PHF14: variants seen among roughly 807,000 people sequenced by gnomAD.
PHF14 encodes the protein PHD finger protein 14.
A neutral mutation model predicts 117.9 loss-of-function variants in PHF14; 55 were observed. The observed-to-expected ratio is 0.47, with a 90% CI of 0.38 to 0.58. The LOEUF (loss-of-function observed/expected upper bound fraction) is 0.58. PHF14 is among the 20% of genes least tolerant of loss of function. The pLI is 0.00. For synonymous variants in PHF14, 409 were observed against 368.6 expected (o/e 1.11, Z -1.26); for missense variants, 978 against 1,122.2 (o/e 0.87, Z 1.84).
chr7:11,131,406 T>A (rs1207239251), intron 17 of PHF14, among the ~76,000 whole-genome samples: 1 of 151,972 alleles, frequency 6.6e-6, no homozygotes, highest in Non-Finnish European at 1.5e-5. Context: ...GGACATGTAG[T>A]GTTGAGCATC....
chr7:11,064,211 C>G (rs1474592922), intron 16 of PHF14, among the ~76,000 whole-genome samples: 3 of 151,730 alleles, frequency 2.0e-5, no homozygotes, highest in Non-Finnish European at 4.4e-5. Flanking sequence ...TATAAAATTT[C>G]ATATGTTTAA....
At chr7:11,115,711 G>A (rs28510200) in intron 17 of PHF14, among the ~76,000 whole-genome samples, 4,305 of 152,060 alleles carry the variant, frequency 0.028, 210 homozygotes, top group African/African-American at 0.099. Context: ...ATGGCAAAAG[G>A]ATTCGGTATA....
chr7:11,043,231 T>C (rs545433649), intron 13 of PHF14, among the ~76,000 whole-genome samples: 15 of 152,210 alleles, frequency 9.9e-5, no homozygotes, highest in African/African-American at 3.6e-4. Flanking sequence ...TTTGTGCTAG[T>C]CATTTAAATT....
rs551171592 is a variant in PHF14, at chr7:11,008,919, C to G, written c.1046-4828C>G. 3.7e-4 allele frequency among the ~76,000 whole-genome samples: 56 copies of G among 151,186 alleles called. 3 individuals are homozygous for G. The highest frequency in any genetic ancestry group is 1.3e-3 in the African/African-American group (55 of 41,100). On this transcript the variant is annotated intron_variant, in intron 4 of 17. Transcript: ENST00000634607. Reference sequence around the variant, plus strand: ...GGCATGGTGGTGGGCGCCTGTAGTCCCAGCTACTCGGGAGGCTGAGGCAGG... The same window carrying G: ...GGCATGGTGGTGGGCGCCTGTAGTCGCAGCTACTCGGGAGGCTGAGGCAGG...
intron 17 of PHF14, among the ~76,000 whole-genome samples, chr7:11,146,638 C>T (rs1188326107): frequency 6.6e-6 from 1 of 152,132 alleles, no homozygotes; most frequent in African/African-American, 2.4e-5. Context: ...TATAGGGCAA[C>T]ATATATGTAC....
At chr7:11,065,581 T>C (rs1178571985) in intron 16 of PHF14, among the ~76,000 whole-genome samples, 3 of 152,128 alleles carry the variant, frequency 2.0e-5, no homozygotes, top group Non-Finnish European at 2.9e-5. Flanking sequence ...GACAATTGAT[T>C]TTTTGTCACT....
rs139220191 is a variant in PHF14, at chr7:11,165,847, TGATAA to T, written c.2773-3563_2773-3559del. ...GCAAAATCTTGCAAGTTTTATTTAG[TGATAA>T]GATAAACATGGCAGTGTGTTTACTT... On this transcript the variant is annotated intron_variant, in intron 17 of 17. Transcript: ENST00000634607. 3.2e-4 allele frequency among the ~76,000 whole-genome samples: 49 copies of T among 152,304 alleles called. No individual in the cohort carries two copies. The East Asian group carries it at 8.1e-3, about 25-fold the overall frequency.
chr7:11,065,956 G>A (rs1220581326), intron 16 of PHF14, among the ~76,000 whole-genome samples: 1 of 152,046 alleles, frequency 6.6e-6, no homozygotes, highest in Non-Finnish European at 1.5e-5. Flanking sequence ...ATTGAGGGTA[G>A]GAAATGATCT....
At chr7:11,103,103 T>C in intron 16 of PHF14, 1 of 972,070 alleles carries the variant, frequency 1.0e-6, no homozygotes, top group Non-Finnish European at 1.2e-6. Flanking sequence ...TTAAATGTTA[T>C]TTCTATTTAT....
intron 17 of PHF14, among the ~76,000 whole-genome samples, chr7:11,125,544 CAAG>C (rs1309133161): frequency 6.6e-6 from 1 of 151,986 alleles, no homozygotes; most frequent in Non-Finnish European, 1.5e-5. Context: ...GATTATTAAA[CAAG>C]GAGTACAAAA....
chr7:11,134,909 G>A (rs1764495312), intron 17 of PHF14, among the ~76,000 whole-genome samples: 1 of 152,092 alleles, frequency 6.6e-6, no homozygotes, highest in Non-Finnish European at 1.5e-5. Context: ...AAGACTGAAT[G>A]CATTCTTATG....
chr7:11,038,225 G>C (rs187499179), intron 10 of PHF14, among the ~76,000 whole-genome samples: 2 of 152,150 alleles, frequency 1.3e-5, no homozygotes, highest in Admixed American at 1.3e-4. Context: ...CATCCTAGGA[G>C]TTTGAGACCA....
At chr7:11,073,670 T>A (rs935365304) in intron 16 of PHF14, among the ~76,000 whole-genome samples, 2 of 152,172 alleles carry the variant, frequency 1.3e-5, no homozygotes, top group Non-Finnish European at 2.9e-5. Context: ...AGGGATTCTG[T>A]GTGAGGGTTC....
At chr7:10,992,465 C>T (rs1253554162) in intron 4 of PHF14, among the ~76,000 whole-genome samples, 1 of 151,044 alleles carries the variant, frequency 6.6e-6, no homozygotes, top group Non-Finnish European at 1.5e-5. Flanking sequence ...GAGTTTGAGA[C>T]CAGCCTGGCC....
intron 14 of PHF14, 124 bp downstream of exon 14, chr7:11,051,904 T>G: frequency 1.3e-6 from 1 of 740,868 alleles, no homozygotes; most frequent in Non-Finnish European, 2.1e-6. Flanking sequence ...TTGGTTATTC[T>G]TAACAATTTT....
chr7:11,055,408 T>C (rs1450897468), intron 14 of PHF14, among the ~76,000 whole-genome samples: 1 of 152,186 alleles, frequency 6.6e-6, no homozygotes. Flanking sequence ...TCTCTTTCCA[T>C]TGTTTTTACA....
chr7:10,998,938 A>G (rs1442378049), intron 4 of PHF14, among the ~76,000 whole-genome samples: 1 of 152,218 alleles, frequency 6.6e-6, no homozygotes, highest in Non-Finnish European at 1.5e-5. Flanking sequence ...TTAGGCCAGC[A>G]CAGTAGTTTT....
chr7:11,122,456 T>TTGTG (rs200805558), intron 17 of PHF14, among the ~76,000 whole-genome samples: 5 of 139,924 alleles, frequency 3.6e-5, no homozygotes, highest in African/African-American at 5.3e-5. Context: ...TATATATATA[T>TTGTG]TGTGTGTGTG....
At chr7:11,101,795 A>G (rs993242653) in intron 16 of PHF14, among the ~76,000 whole-genome samples, 3 of 151,856 alleles carry the variant, frequency 2.0e-5, no homozygotes, top group African/African-American at 7.2e-5. Context: ...TTTTTACCTC[A>G]TCTTCACAGA....
Sources: allele counts gnomAD v4.1 joint callset (sites outside exome capture counted in the v4.1 genomes callset), GRCh38; gene constraint gnomAD v4.1.1; transcripts MANE v1.5; gene names NCBI Gene and HGNC (gene_info 2026-07-23, HGNC 2026-07-21).